Variants in LTBP2 observed in about 807,000 individuals in gnomAD.
LTBP2 encodes latent-transforming growth factor beta-binding protein 2.
Under a neutral mutation model 210.6 loss-of-function variants are expected in LTBP2, and 103 were observed. The observed-to-expected ratio is 0.49, with a 90% CI of 0.42 to 0.58. The LOEUF is 0.58. LTBP2 is among the 20% of genes least tolerant of loss of function. The probability of loss-of-function intolerance (pLI) is 0.00; values close to 1 mark genes in which losing one functional copy is unlikely to be tolerated. For missense variants in LTBP2, 2,313 were observed against 2,494.5 expected (o/e 0.93, Z 1.55); for synonymous variants, 1,007 against 1,015.0 (o/e 0.99, Z 0.15).
At position 74,535,957 on chromosome 14, in the gene LTBP2, C is replaced by T. The variant is rs775155970; in HGVS notation, c.1833G>A (p.Gly611=). 3 of 1,614,122 alleles carry T rather than the reference C, an allele frequency of 1.9e-6. No individual in the cohort carries two copies. The highest frequency in any genetic ancestry group is 2.5e-6 in the Non-Finnish European group (3 of 1,180,010). Residue 611 remains glycine, a synonymous_variant, in exon 9 of 36, where the codon GGG becomes GGA. Transcript: ENST00000261978. ...AGTGAGTGAGGTTCAGTCTCTTGTA[C>T]CCCTGAGGACACTCCAGCTGGCCAT... ...IENGQLECPQ[G]YKRLNLTHCQ... is the part of the protein sequence containing the mutation.
chr14:74,565,774 A>C (rs2087894516), intron 3 of LTBP2, among the ~76,000 whole-genome samples: 1 of 152,210 alleles, frequency 6.6e-6, no homozygotes, highest in African/African-American at 2.4e-5. Flanking sequence ...CGAGGAAAGC[A>C]GGCAGAACAA....
Position 74,516,821 on chromosome 14 carries a change from C to T in LTBP2, c.2908+1G>A, listed in dbSNP as rs201872469. 2.9e-5 allele frequency: 45 copies of T among 1,551,802 alleles called. No homozygotes were observed. In the Admixed American group the frequency reaches 7.1e-4, roughly 24 times the overall value. On this transcript the variant is annotated splice_donor_variant, in intron 18 of 35. Coordinates refer to ENST00000261978, the MANE Select transcript of LTBP2 (RefSeq NM_000428.3). LOFTEE classifies it high-confidence loss of function. ...GCGCTTCCCTCCTTCCCGTTCCTTA[C>T]CTTGGCAGTGTCCTTTCCTGACCAT... is the stretch of plus-strand genomic sequence containing the variant.
chr14:74,527,434 C>T (rs2087288286), intron 12 of LTBP2, 68 bp from the exon 13 acceptor site: 8 of 1,557,486 alleles, frequency 5.1e-6, no homozygotes, highest in Non-Finnish European at 7.0e-6. Context: ...CTCACCGCCA[C>T]CTGGGCGGCT....
chr14:74,521,443 G>C (rs924780510), intron 17 of LTBP2, among the ~76,000 whole-genome samples: 2 of 151,980 alleles, frequency 1.3e-5, no homozygotes, highest in African/African-American at 4.8e-5. Context: ...ATCTTCCCAG[G>C]GAAGTGCAAA....
intron 3 of LTBP2, among the ~76,000 whole-genome samples, chr14:74,567,914 G>T (rs1415359121): frequency 6.6e-6 from 1 of 152,144 alleles, no homozygotes; most frequent in South Asian, 2.1e-4. Flanking sequence ...GGGAAGACTT[G>T]TCAGCACACG....
intron 8 of LTBP2, among the ~76,000 whole-genome samples, chr14:74,543,986 G>A (rs1194373093): frequency 6.6e-6 from 1 of 152,158 alleles, no homozygotes; most frequent in East Asian, 1.9e-4. Context: ...CCCTTCCTCC[G>A]CTCTCCGGGC....
chr14:74,589,674 C>T (rs919390846), intron 2 of LTBP2, among the ~76,000 whole-genome samples: 2 of 152,248 alleles, frequency 1.3e-5, no homozygotes, highest in Non-Finnish European at 2.9e-5. Flanking sequence ...CTGCCAGGCC[C>T]CTGTCACCAC....
At chr14:74,564,257 A>G (rs1193760208) in intron 3 of LTBP2, among the ~76,000 whole-genome samples, 4 of 42,506 alleles carry the variant, frequency 9.4e-5, no homozygotes, top group Non-Finnish European at 1.2e-4. Context: ...ATATATTTAT[A>G]TATATTTATA....
chr14:74,541,068 T>C (rs1448237400), intron 8 of LTBP2, among the ~76,000 whole-genome samples: 2 of 150,140 alleles, frequency 1.3e-5, no homozygotes, highest in East Asian at 3.9e-4. Context: ...TGAAGGCAGG[T>C]GACACCTGTC....
chr14:74,502,567 G>A (rs1208085091), intron 34 of LTBP2, 86 bp downstream of exon 34: 1 of 1,583,974 alleles, frequency 6.3e-7, no homozygotes, highest in African/African-American at 1.3e-5. Context: ...TCCTCACCCT[G>A]CTGGCAATAT....
chr14:74,515,279 CAG>C (rs1196496013), intron 18 of LTBP2, among the ~76,000 whole-genome samples: 1 of 131,108 alleles, frequency 7.6e-6, no homozygotes, highest in Non-Finnish European at 1.6e-5. Context: ...TTTTTTGAGA[CAG>C]AGTCTCACTC....
At chr14:74,584,251 TG>T (rs1406304262) in intron 3 of LTBP2, among the ~76,000 whole-genome samples, 1 of 151,878 alleles carries the variant, frequency 6.6e-6, no homozygotes, top group African/African-American at 2.4e-5. Context: ...GTCAGACTGG[TG>T]GGAAGATGCA....
Position 74,549,917 on chromosome 14 carries a change from T to C in LTBP2, c.1735A>G (p.Ser579Gly). ...GTCACCCCCCAGAAGGCTCCCACAC[T>C]GCCACAGCAGTCCTCCTGGGTAGTC... ...ELTTQEDCCGSVGAFWGVTLC... is the reference protein window; with the variant it reads ...ELTTQEDCCGGVGAFWGVTLC... Residue 579 changes from serine (S) to glycine (G), a missense_variant, in exon 8 of 36, where the codon AGT becomes GGT. Physicochemically the swap from Ser to Gly is moderately conservative, Grantham distance 56 (BLOSUM62 0). Around this residue, in one of 3 missense-constraint regions of LTBP2, gnomAD observed 1,867 missense variants for 1,976.9 expected, o/e 0.94. Transcript: ENST00000261978. 6.2e-7 allele frequency: 1 copy of C among 1,614,110 alleles called. No homozygotes were observed. The highest frequency in any genetic ancestry group is 8.5e-7 in the Non-Finnish European group (1 of 1,179,994).
At chr14:74,551,497 G>A (rs2139746589) in intron 6 of LTBP2, 147 bp from the exon 7 acceptor site, 1 of 798,802 alleles carries the variant, frequency 1.3e-6, no homozygotes, top group South Asian at 2.0e-5. Context: ...TTGCTCCCAA[G>A]TTAGAACCCC....
Position 74,501,580 on chromosome 14 carries a change from G to A in LTBP2, c.5181C>T (p.Ala1727=), listed in dbSNP as rs372981316. Residue 1727 remains alanine, a synonymous_variant, in exon 35 of 36, where the codon GCC becomes GCT. Coordinates refer to ENST00000261978, the MANE Select transcript of LTBP2 (RefSeq NM_000428.3). ...HYVASHPEPP[A]GFEGLQAEEC... is the part of the protein sequence containing the mutation. ...CCTCCGCCTGAAGCCCTTCGAAGCC[G>A]GCTGGGGGCTCTGGGAGGAGGAAAT... 70 of 1,613,928 alleles carry A rather than the reference G, an allele frequency of 4.3e-5. No homozygotes were observed. The highest frequency in any genetic ancestry group is 1.6e-4 in the Middle Eastern group (1 of 6,084).
chr14:74,553,813 G>A (rs2087692340), intron 4 of LTBP2, among the ~76,000 whole-genome samples: 1 of 152,056 alleles, frequency 6.6e-6, no homozygotes, highest in Non-Finnish European at 1.5e-5. Context: ...GAAGCCAGAG[G>A]CAGAAGGTTG....
At chr14:74,533,939 C>T (rs751116503) in intron 9 of LTBP2, among the ~76,000 whole-genome samples, 52 of 152,110 alleles carry the variant, frequency 3.4e-4, no homozygotes, top group Non-Finnish European at 6.3e-4. Flanking sequence ...CCAGGCCAGG[C>T]GGTAACACAG....
intron 3 of LTBP2, among the ~76,000 whole-genome samples, chr14:74,576,875 A>G (rs569575723): frequency 6.6e-6 from 1 of 152,328 alleles, no homozygotes; most frequent in South Asian, 2.1e-4. Flanking sequence ...AGTAATAACA[A>G]GCATTTGCAA....
chr14:74,552,198 G>A lies in LTBP2; in HGVS notation c.1388C>T (p.Ser463Phe). 1.2e-6 allele frequency: 2 copies of A among 1,607,396 alleles called. No individual in the cohort carries two copies. Among genetic ancestry groups the A allele is most frequent in the South Asian group, 1.1e-5 (1 of 90,518 alleles). Residue 463 changes from serine (S) to phenylalanine (F), a missense_variant, in exon 6 of 36, where the codon TCC becomes TTC. Ser to Phe is a radical substitution (Grantham distance 155). Transcript: ENST00000261978. The part of the protein sequence containing the change: ...LKQSTFTLPL[S>F]NQLASVNPSL... Reference sequence around the variant, plus strand: ...GTGCCGGCACTCACCCAGCTGGTTGGAGAGCGGCAGTGTGAAAGTGGACTG... The same window carrying A: ...GTGCCGGCACTCACCCAGCTGGTTGAAGAGCGGCAGTGTGAAAGTGGACTG...
Sources: gnomAD v4.1 joint callset for allele counts (sites outside exome capture counted in the v4.1 genomes callset) on GRCh38, gnomAD v4.1.1 for gene constraint, gnomAD v4.1.1 regional missense constraint, MANE v1.5 for transcripts, NCBI Gene and HGNC (gene_info 2026-07-23, HGNC 2026-07-21) for gene names.